Variants in GRID2 observed in about 807,000 individuals in gnomAD.
The protein encoded by GRID2 is glutamate ionotropic receptor delta type subunit 2, also known as glutamate receptor ionotropic, delta-2.
GRID2 carries 33 observed loss-of-function variants against 114.8 expected under a neutral mutation model. That is an observed-to-expected ratio of 0.29 (90% CI 0.22 to 0.38). The LOEUF (loss-of-function observed/expected upper bound fraction) is 0.38, where lower values mean the gene tolerates loss of function less well. Among genes scored for constraint, GRID2 ranks in the 10% least tolerant of loss-of-function variants. The pLI is 1.00. For synonymous variants in GRID2, 505 were observed against 449.9 expected (o/e 1.12, Z -1.55); for missense variants, 1,184 against 1,257.7 (o/e 0.94, Z 0.89).
intron 2 of GRID2, among the ~76,000 whole-genome samples, chr4:92,855,947 G>C (rs936724674): frequency 2.6e-5 from 4 of 151,938 alleles, no homozygotes; most frequent in Admixed American, 2.6e-4. Context: ...ATCATGTCAC[G>C]CGATGTTTCA....
chr4:93,556,051 G>C (rs554865699), intron 13 of GRID2, among the ~76,000 whole-genome samples: 1 of 152,248 alleles, frequency 6.6e-6, no homozygotes, highest in South Asian at 2.1e-4. Flanking sequence ...AAACAGAAAA[G>C]AATAGCATCA....
At chr4:92,448,188 G>A (rs1469929773) in intron 1 of GRID2, among the ~76,000 whole-genome samples, 1 of 147,378 alleles carries the variant, frequency 6.8e-6, no homozygotes, top group Non-Finnish European at 1.5e-5. Flanking sequence ...TGTATTTTGA[G>A]ACAGTCTCAC....
intron 2 of GRID2, among the ~76,000 whole-genome samples, chr4:92,934,579 A>G (rs919972376): frequency 6.8e-6 from 1 of 146,576 alleles, no homozygotes; most frequent in Non-Finnish European, 1.5e-5. Context: ...TGCATCGCCA[A>G]GTCAATCCTA....
chr4:93,370,293 T>C (rs1021386820), intron 8 of GRID2, among the ~76,000 whole-genome samples: 1 of 152,070 alleles, frequency 6.6e-6, no homozygotes, highest in Non-Finnish European at 1.5e-5. Context: ...CAATGCTTCT[T>C]CTTAAATTTC....
intron 2 of GRID2, among the ~76,000 whole-genome samples, chr4:93,025,319 A>G (rs547163335): frequency 3.9e-5 from 6 of 151,968 alleles, no homozygotes; most frequent in East Asian, 1.9e-4. Context: ...TCAGGATTCA[A>G]TATTAACTTG....
At chr4:92,566,394 G>C (rs1035474157) in intron 1 of GRID2, among the ~76,000 whole-genome samples, 1 of 151,828 alleles carries the variant, frequency 6.6e-6, no homozygotes. Flanking sequence ...CAACGAAAAA[G>C]GGGGACCAGA....
chr4:92,681,806 T>A (rs2149284910), intron 2 of GRID2, among the ~76,000 whole-genome samples: 1 of 152,212 alleles, frequency 6.6e-6, no homozygotes, highest in East Asian at 1.9e-4. Flanking sequence ...TTTGTTGATT[T>A]AAAAATGTAT....
intron 11 of GRID2, among the ~76,000 whole-genome samples, chr4:93,471,304 A>G (rs1358975730): frequency 2.0e-5 from 3 of 152,128 alleles, no homozygotes; most frequent in Non-Finnish European, 4.4e-5. Context: ...AGGAGGGGAA[A>G]CCCATTATCT....
At chr4:93,314,105 G>A (rs911606935) in intron 8 of GRID2, among the ~76,000 whole-genome samples, 2 of 151,938 alleles carry the variant, frequency 1.3e-5, no homozygotes, top group Non-Finnish European at 2.9e-5. Flanking sequence ...AGAAGTTCAA[G>A]ACAAGCCTGG....
chr4:93,596,934 T>G (rs1383833799), intron 13 of GRID2, among the ~76,000 whole-genome samples: 1 of 152,230 alleles, frequency 6.6e-6, no homozygotes, highest in Non-Finnish European at 1.5e-5. Flanking sequence ...CTTAATGTAT[T>G]TGTTTTGATA....
chr4:92,790,424 T>G (rs1259145336), intron 2 of GRID2, among the ~76,000 whole-genome samples: 1 of 151,840 alleles, frequency 6.6e-6, no homozygotes, highest in African/African-American at 2.4e-5. Flanking sequence ...TTATTTATTA[T>G]CATATTTTTT....
At chr4:93,651,898 A>G (rs1722611998) in intron 14 of GRID2, among the ~76,000 whole-genome samples, 1 of 152,188 alleles carries the variant, frequency 6.6e-6, no homozygotes, top group Admixed American at 6.5e-5. Context: ...CTAGAAGGAA[A>G]GGTGAACAAG....
At chr4:93,747,723 A>C (rs982464929) in intron 14 of GRID2, among the ~76,000 whole-genome samples, 1 of 152,068 alleles carries the variant, frequency 6.6e-6, no homozygotes, top group Non-Finnish European at 1.5e-5. Flanking sequence ...CATACTAAAA[A>C]TCAATGTCAA....
chr4:93,150,908 C>G (rs527396327), intron 4 of GRID2, among the ~76,000 whole-genome samples: 1 of 152,004 alleles, frequency 6.6e-6, no homozygotes, highest in Admixed American at 6.6e-5. Flanking sequence ...GGGAGGATCA[C>G]TTGAGGTTAG....
chr4:92,537,790 TG>T (rs1725725979), intron 1 of GRID2, among the ~76,000 whole-genome samples: 1 of 82,990 alleles, frequency 1.2e-5, no homozygotes, highest in Non-Finnish European at 2.7e-5. Context: ...TTGCGGTGTG[TG>T]TGTGTGTGTG....
chr4:92,350,827 A>C (rs1182186003), intron 1 of GRID2, among the ~76,000 whole-genome samples: 6 of 151,792 alleles, frequency 4.0e-5, no homozygotes, highest in African/African-American at 1.4e-4. Flanking sequence ...GGTCACTCCA[A>C]TTTTCCCCAA....
At chr4:93,372,466 G>A (rs916222601) in intron 8 of GRID2, among the ~76,000 whole-genome samples, 5 of 152,068 alleles carry the variant, frequency 3.3e-5, no homozygotes, top group African/African-American at 2.4e-5. Flanking sequence ...TGTATTCCAA[G>A]ATATTGTGTC....
At chr4:93,008,859 A>G (rs757042603) in intron 2 of GRID2, among the ~76,000 whole-genome samples, 11 of 152,270 alleles carry the variant, frequency 7.2e-5, no homozygotes, top group Non-Finnish European at 1.3e-4. Flanking sequence ...CTCAAAAAAG[A>G]CTACTCATTA....
At chr4:93,031,238 G>T (rs1205823991) in intron 2 of GRID2, among the ~76,000 whole-genome samples, 4 of 151,800 alleles carry the variant, frequency 2.6e-5, no homozygotes, top group African/African-American at 9.7e-5. Flanking sequence ...TAGAGACTGG[G>T]TTTCACCATA....
Sources: allele counts gnomAD v4.1 joint callset (sites outside exome capture counted in the v4.1 genomes callset), GRCh38; gene constraint gnomAD v4.1.1; transcripts MANE v1.5; gene names NCBI Gene and HGNC (gene_info 2026-07-23, HGNC 2026-07-21).